Variants in GNA13 observed in about 807,000 individuals in gnomAD.
The protein encoded by GNA13 is guanine nucleotide-binding protein subunit alpha-13.
A neutral mutation model predicts 33.5 loss-of-function variants in GNA13; 4 were observed. The observed-to-expected ratio is 0.12, with a 90% CI of 0.06 to 0.27. The LOEUF is 0.27. Among genes scored for constraint, GNA13 ranks in the 10% least tolerant of loss-of-function variants. GNA13 has a pLI of 1.00. For missense variants in GNA13, 319 were observed against 487.2 expected (o/e 0.65, Z 3.25); for synonymous variants, 176 against 183.8 (o/e 0.96, Z 0.34).
At chr17:65,054,130 A>C (rs1431060358) in intron 1 of GNA13, among the ~76,000 whole-genome samples, 4 of 152,222 alleles carry the variant, frequency 2.6e-5, no homozygotes, top group Non-Finnish European at 5.9e-5. Context: ...AGCCTAAAAG[A>C]TGTTCATTTA....
At chr17:65,030,655 G>A (rs1180198853) in intron 2 of GNA13, among the ~76,000 whole-genome samples, 1 of 152,112 alleles carries the variant, frequency 6.6e-6, no homozygotes, top group East Asian at 1.9e-4. Context: ...GTACGTAAAT[G>A]GCAGAAATTT....
intron 2 of GNA13, among the ~76,000 whole-genome samples, chr17:65,037,778 G>GGA (rs1491396786): frequency 2.0e-5 from 2 of 99,160 alleles, no homozygotes; most frequent in African/African-American, 7.7e-5. Context: ...TACAAAAATG[G>GGA]AAAAAAAAAA....
At position 65,045,971 on chromosome 17, in the gene GNA13, A is replaced by T. The variant is rs143108042; in HGVS notation, c.510+7531T>A. ...AATGGTTTGGTGGCCAGAGCTGTGG[A>T]CTAGGAGTCAGCAGATTGGGACTGC... On this transcript the variant is annotated intron_variant, in intron 2 of 3. Transcript: ENST00000439174. Among the ~76,000 whole-genome samples, 48 of 152,304 alleles carry T rather than the reference A, an allele frequency of 3.2e-4. 1 individual carries two copies. The highest frequency in any genetic ancestry group is 4.7e-4 in the Non-Finnish European group (32 of 68,024).
intron 2 of GNA13, chr17:65,053,294 C>T: frequency 1.8e-6 from 1 of 563,910 alleles, no homozygotes; most frequent in Admixed American, 3.2e-5. Flanking sequence ...GATATGTAGC[C>T]TAAAGGTAAT....
Position 65,013,880 on chromosome 17 carries a change from T to C in GNA13, c.*377A>G, listed in dbSNP as rs1305007515. On this transcript the variant is annotated 3_prime_UTR_variant, in exon 4 of 4. Coordinates refer to ENST00000439174, the MANE Select transcript of GNA13 (RefSeq NM_006572.6). Reference sequence around the variant, plus strand: ...GATATCTTGTTTTGGAACTGAATATTCCTAACCTCATCCCTACAAGTATTT... The same window carrying C: ...GATATCTTGTTTTGGAACTGAATATCCCTAACCTCATCCCTACAAGTATTT... 7.8e-6 allele frequency: 2 copies of C among 257,664 alleles called. No individual in the cohort carries two copies. The highest frequency in any genetic ancestry group is 7.6e-6 in the Non-Finnish European group (1 of 131,912). 16.0% of individuals were successfully genotyped at this position (257,664 alleles called of 1,614,324 possible). A position where few individuals can be genotyped will look rare whatever the true frequency, so the allele number is the denominator to read the frequency against.
rs1462193262 is a variant in GNA13 at position 65,015,022 on chromosome 17, T to C, written c.562-193A>G. ...TGGGTCATGCCTATAATCCCAGCAC[T>C]TTGGGAGGCTGAGGCAGGAGGATCG... On this transcript the variant is annotated intron_variant, in intron 3 of 3. Transcript: ENST00000439174. Among the ~76,000 whole-genome samples the C allele has an allele frequency of 2.6e-5, 4 of 152,284 alleles. No homozygotes were observed. The South Asian group carries it at 6.2e-4, about 24-fold the overall frequency.
chr17:65,025,944 C>G (rs1906765389), intron 2 of GNA13, among the ~76,000 whole-genome samples: 1 of 151,838 alleles, frequency 6.6e-6, no homozygotes, highest in Non-Finnish European at 1.5e-5. Context: ...CACGACTAAG[C>G]AGCAGCACTC....
intron 2 of GNA13, among the ~76,000 whole-genome samples, chr17:65,041,083 A>C (rs568603219): frequency 1.3e-5 from 2 of 152,374 alleles, no homozygotes; most frequent in East Asian, 3.9e-4. Context: ...CTTCTGAGCC[A>C]ATTCATCCTA....
intron 2 of GNA13, among the ~76,000 whole-genome samples, chr17:65,039,717 AATTACAT>A (rs1907387214): frequency 6.6e-6 from 1 of 152,164 alleles, no homozygotes; most frequent in Non-Finnish European, 1.5e-5. Flanking sequence ...CCACATGTGT[AATTACAT>A]ATTTGTTTGC....
chr17:65,056,239 G>GCCCGGCC, intron 1 of GNA13, 72 bp downstream of exon 1: 7 of 936,158 alleles, frequency 7.5e-6, no homozygotes, highest in South Asian at 1.5e-5. Context: ...CCAGGGCGGT[G>GCCCGGCC]CCCCGCCCCG....
chr17:65,039,277 C>T (rs75785409), intron 2 of GNA13, among the ~76,000 whole-genome samples: 16,333 of 152,212 alleles, frequency 0.11, 2,916 homozygotes, highest in African/African-American at 0.37. Context: ...GCTTGCTCTG[C>T]AATAGTCTCC....
chr17:65,026,807 T>C (rs554640914), intron 2 of GNA13, among the ~76,000 whole-genome samples: 1 of 152,356 alleles, frequency 6.6e-6, no homozygotes, highest in East Asian at 1.9e-4. Flanking sequence ...AGACGGAGTT[T>C]CGCTCTTGTT....
At chr17:65,053,424 C>T (rs1381953133) in intron 2 of GNA13, 78 bp downstream of exon 2, 5 of 880,604 alleles carry the variant, frequency 5.7e-6, no homozygotes, top group South Asian at 1.4e-5. Context: ...TTCGAATTTT[C>T]GCATTAGGGA....
At chr17:65,040,699 G>A (rs893776858) in intron 2 of GNA13, among the ~76,000 whole-genome samples, 1 of 152,022 alleles carries the variant, frequency 6.6e-6, no homozygotes, top group Admixed American at 6.6e-5. Flanking sequence ...CACCATCTTC[G>A]CCAGGATGGT....
rs543215595 is a variant in GNA13, at chr17:65,044,689, G to A, written c.510+8813C>T. Among the ~76,000 whole-genome samples, 6 of 151,500 alleles carry A rather than the reference G, an allele frequency of 4.0e-5. No homozygotes were observed. In the East Asian group the frequency reaches 5.8e-4, roughly 15 times the overall value. On this transcript the variant is annotated intron_variant, in intron 2 of 3. Transcript: ENST00000439174. The stretch of plus-strand genomic sequence containing the variant: ...AAACTTTGTGAGAAATTGCAATCTC[G>A]AGTGCTCACAGGCAGTATGAAAACT...
intron 2 of GNA13, among the ~76,000 whole-genome samples, chr17:65,034,433 G>A (rs1907170770): frequency 6.6e-6 from 1 of 151,474 alleles, no homozygotes; most frequent in Admixed American, 6.6e-5. Context: ...CGAGTAGCTG[G>A]GACTACAGAC....
rs1385844458 is a variant in GNA13 at position 65,010,127 on chromosome 17, C to T, written c.*4130G>A. 6.6e-6 allele frequency among the ~76,000 whole-genome samples: 1 copy of T among 152,168 alleles called. No homozygotes were observed. Among genetic ancestry groups the T allele is most frequent in the African/African-American group, 2.4e-5 (1 of 41,438 alleles). On this transcript the variant is annotated 3_prime_UTR_variant, in exon 4 of 4. Coordinates refer to ENST00000439174, the MANE Select transcript of GNA13 (RefSeq NM_006572.6). Reference sequence around the variant, plus strand: ...TTCATATAAGCTCTCGCATTTGAAACCAGATGGTAAGACCTGAATGCTACA... The same window carrying T: ...TTCATATAAGCTCTCGCATTTGAAATCAGATGGTAAGACCTGAATGCTACA...
At chr17:65,048,142 A>C (rs1176252573) in intron 2 of GNA13, among the ~76,000 whole-genome samples, 1 of 152,200 alleles carries the variant, frequency 6.6e-6, no homozygotes, top group East Asian at 1.9e-4. Context: ...GAAAGTAGGA[A>C]GCTGTGGGAT....
intron 2 of GNA13, among the ~76,000 whole-genome samples, chr17:65,033,678 G>C (rs1907138190): frequency 6.6e-6 from 1 of 151,968 alleles, no homozygotes; most frequent in South Asian, 2.1e-4. Context: ...TGAATACACA[G>C]TTCCAAATTT....
Sources: gnomAD v4.1 joint callset for allele counts (sites outside exome capture counted in the v4.1 genomes callset) on GRCh38, gnomAD v4.1.1 for gene constraint, MANE v1.5 for transcripts, NCBI Gene and HGNC (gene_info 2026-07-23, HGNC 2026-07-21) for gene names.